Variants in PAK1 observed in about 807,000 individuals in gnomAD.
The protein encoded by PAK1 is serine/threonine-protein kinase PAK 1.
A neutral mutation model predicts 67.4 loss-of-function variants in PAK1; 29 were observed. The ratio of observed to expected loss-of-function variants is 0.43; its 90% CI spans 0.32 to 0.59. The LOEUF is 0.59. Ranked by LOEUF, PAK1 falls within the 20% of genes least tolerant of loss-of-function variation. The pLI is 0.07. For missense variants in PAK1, 337 were observed against 670.7 expected, an observed-to-expected ratio of 0.50 and a Z score of 5.50; for synonymous variants, 223 against 237.4, an observed-to-expected ratio of 0.94 and a Z score of 0.56.
At chr11:77,429,158 T>C (rs538965620) in intron 1 of PAK1, among the ~76,000 whole-genome samples, 1 of 140,090 alleles carries the variant, frequency 7.1e-6, no homozygotes, top group South Asian at 2.5e-4. Flanking sequence ...ACCTAGAACA[T>C]CTTATTGGGC....
chr11:77,343,766 C>T lies in PAK1; in HGVS notation c.998+53G>A, dbSNP rs1377475684. ...CTGCCCTCTTCTCTAACAGCTTCACCACCAATCAGTCCCAAAGGCCCTTTC... is the reference window on the plus strand; with the variant it reads ...CTGCCCTCTTCTCTAACAGCTTCACTACCAATCAGTCCCAAAGGCCCTTTC... On this transcript the variant is annotated intron_variant, in intron 10 of 14. Transcript: ENST00000356341. 4.7e-6 allele frequency: 5 copies of T among 1,055,026 alleles called. No individual in the cohort carries two copies. In the East Asian group the frequency reaches 1.2e-4, roughly 25 times the overall value. The allele number at this position is 1,055,026 out of a possible 1,614,324, so 65.4% of individuals were successfully genotyped here. A position where few individuals can be genotyped will look rare whatever the true frequency, so the allele number is the denominator to read the frequency against.
At chr11:77,416,034 A>AGT (rs1954933868) in intron 1 of PAK1, among the ~76,000 whole-genome samples, 1 of 149,476 alleles carries the variant, frequency 6.7e-6, no homozygotes, top group Non-Finnish European at 1.5e-5. Context: ...GCAGGAGTGC[A>AGT]GTGGCATGAT....
In PAK1 at chr11:77,466,268, C is replaced by T. The variant is rs561570104; in HGVS notation, c.-22+7284G>A. ...AGCTAAGGAAAACTGAGTCTCAGGA[C>T]GGTTAAGTGACTTGCTGTGGTTACA... On this transcript the variant is annotated intron_variant, in intron 1 of 14. Coordinates refer to ENST00000356341, the MANE Select transcript of PAK1 (RefSeq NM_002576.5). Among the ~76,000 whole-genome samples, 256 of 152,216 alleles carry T rather than the reference C, an allele frequency of 1.7e-3. 5 individuals carry two copies. Among genetic ancestry groups the T allele is most frequent in the African/African-American group, 5.8e-3 (242 of 41,530 alleles).
intron 1 of PAK1, among the ~76,000 whole-genome samples, chr11:77,398,989 C>T (rs1952218862): frequency 6.6e-6 from 1 of 152,100 alleles, no homozygotes; most frequent in East Asian, 1.9e-4. Flanking sequence ...TCTTATTCCT[C>T]CAATCAAAAA....
the PAK1 span, among the ~76,000 whole-genome samples, chr11:77,518,076 C>T: frequency 6.6e-6 from 1 of 152,138 alleles, no homozygotes. Context: ...TTAAGAAAAA[C>T]ACCTTAATCT....
intron 14 of PAK1, among the ~76,000 whole-genome samples, chr11:77,332,140 C>CA (rs1056278426): frequency 6.6e-6 from 1 of 150,552 alleles, no homozygotes. Flanking sequence ...CCCGTCTCTA[C>CA]AAAAAAGTTT....
At chr11:77,342,194 G>A (rs557085192) in intron 10 of PAK1, among the ~76,000 whole-genome samples, 1 of 151,798 alleles carries the variant, frequency 6.6e-6, no homozygotes, top group East Asian at 1.9e-4. Context: ...TGAATGCTCA[G>A]GTTAATGTCC....
chr11:77,524,363 C>G, the PAK1 span, among the ~76,000 whole-genome samples: 1 of 152,200 alleles, frequency 6.6e-6, no homozygotes, highest in Non-Finnish European at 1.5e-5. Flanking sequence ...GGAGTGTGCA[C>G]TCCACTGGGG....
intron 7 of PAK1, among the ~76,000 whole-genome samples, chr11:77,353,916 T>C (rs768493746): frequency 6.6e-6 from 1 of 152,198 alleles, no homozygotes; most frequent in Non-Finnish European, 1.5e-5. Context: ...TGAAGAGATA[T>C]GACACAGTCA....
At chr11:77,374,402 CA>C in intron 4 of PAK1, 37 bp from the exon 5 acceptor site, 1 of 1,457,216 alleles carries the variant, frequency 6.9e-7, no homozygotes, top group African/African-American at 1.4e-5. Context: ...TAGTCAATAA[CA>C]GTTACAGTTA....
chr11:77,419,976 G>A (rs1368557183), intron 1 of PAK1, among the ~76,000 whole-genome samples: 2 of 152,004 alleles, frequency 1.3e-5, no homozygotes, highest in Non-Finnish European at 2.9e-5. Flanking sequence ...AGATGGAAAC[G>A]AAAAAAGATA....
At chr11:77,430,446 C>G (rs1431985787) in intron 1 of PAK1, among the ~76,000 whole-genome samples, 1 of 152,204 alleles carries the variant, frequency 6.6e-6, no homozygotes, top group East Asian at 1.9e-4. Flanking sequence ...CTAAATTAGT[C>G]TCAGACCTAC....
At chr11:77,340,565 G>T in intron 11 of PAK1, 81 bp downstream of exon 11, 1 of 775,242 alleles carries the variant, frequency 1.3e-6, no homozygotes. Context: ...CCCAGGCTGA[G>T]ATCTCACTGT....
At chr11:77,407,244 A>G (rs2137895915) in intron 1 of PAK1, among the ~76,000 whole-genome samples, 1 of 152,306 alleles carries the variant, frequency 6.6e-6, no homozygotes, top group South Asian at 2.1e-4. Context: ...CACTAAAAGT[A>G]TCTTTTATAA....
chr11:77,475,010 A>C (rs1010595752), upstream of PAK1: 3 of 152,208 alleles, frequency 2.0e-5, no homozygotes, highest in African/African-American at 7.2e-5. Flanking sequence ...TCTAAGCCGT[A>C]ATTTTTCTGT....
intron 2 of PAK1, among the ~76,000 whole-genome samples, chr11:77,388,322 C>T (rs605910): frequency 0.7 from 106,632 of 152,206 alleles, 38,189 homozygotes; most frequent in African/African-American, 0.85. Flanking sequence ...GCCTTTGCAA[C>T]ATCACATTTA....
intron 1 of PAK1, among the ~76,000 whole-genome samples, chr11:77,445,791 C>T (rs1298901949): frequency 6.6e-6 from 1 of 152,192 alleles, no homozygotes; most frequent in African/African-American, 2.4e-5. Context: ...TCATGTAGTG[C>T]AATCCTGAAG....
At chr11:77,469,609 T>A (rs754017044) in intron 1 of PAK1, among the ~76,000 whole-genome samples, 1 of 151,068 alleles carries the variant, frequency 6.6e-6, no homozygotes, top group Non-Finnish European at 1.5e-5. Context: ...GAAGGTCTCC[T>A]AACTTTTCCA....
intron 2 of PAK1, among the ~76,000 whole-genome samples, chr11:77,389,316 TTTA>T (rs1422376652): frequency 6.6e-6 from 1 of 152,232 alleles, no homozygotes; most frequent in Non-Finnish European, 1.5e-5. Flanking sequence ...CATTTTATTA[TTTA>T]TCTATTCATC....
Sources: gnomAD v4.1 joint callset for allele counts (sites outside exome capture counted in the v4.1 genomes callset) on GRCh38, gnomAD v4.1.1 for gene constraint, MANE v1.5 for transcripts, NCBI Gene and HGNC (gene_info 2026-07-23, HGNC 2026-07-21) for gene names.